The following SH3BP5 variants were observed in gnomAD, a reference collection of about 807,000 sequenced individuals.
SH3BP5 encodes the protein SH3 domain-binding protein 5.
A neutral mutation model predicts 43.3 loss-of-function variants in SH3BP5; 22 were observed. The ratio of observed to expected loss-of-function variants is 0.51; its 90% CI spans 0.36 to 0.73. The LOEUF is 0.73. SH3BP5 is among the 30% of genes least tolerant of loss of function. SH3BP5 has a pLI of 0.00. For synonymous variants in SH3BP5, 255 were observed against 225.8 expected, an observed-to-expected ratio of 1.13 and a Z score of -1.16; for missense variants, 529 against 586.9, an observed-to-expected ratio of 0.90 and a Z score of 1.02.
At chr3:15,275,454 C>T (rs1234642650) in intron 3 of SH3BP5, among the ~76,000 whole-genome samples, 1 of 152,186 alleles carries the variant, frequency 6.6e-6, no homozygotes, top group East Asian at 1.9e-4. Context: ...GTAATAAAGG[C>T]CCCAGGCCCT....
upstream of SH3BP5, among the ~76,000 whole-genome samples, chr3:15,333,702 G>A (rs559198971): frequency 6.6e-6 from 1 of 152,278 alleles, no homozygotes; most frequent in South Asian, 2.1e-4. Flanking sequence ...GTTACTCCTT[G>A]GGCAAGGCAC....
At chr3:15,290,175 T>A (rs1027962290) in intron 3 of SH3BP5, among the ~76,000 whole-genome samples, 19 of 151,656 alleles carry the variant, frequency 1.3e-4, no homozygotes, top group African/African-American at 4.6e-4. Context: ...GTCAAGGCAG[T>A]TGAGGTCAGG....
chr3:15,321,115 C>T lies in SH3BP5; in HGVS notation c.201+9389G>A, dbSNP rs139690209. Reference sequence around the variant, plus strand: ...TAATAGCATTTTGCTAATGTGGTTACCATGAATGAAGTTGTGCAAGAACCT... The same window carrying T: ...TAATAGCATTTTGCTAATGTGGTTATCATGAATGAAGTTGTGCAAGAACCT... On this transcript the variant is annotated intron_variant, in intron 2 of 8. Transcript: ENST00000383791. 6.5e-3 allele frequency among the ~76,000 whole-genome samples: 997 copies of T among 152,234 alleles called. 7 individuals carry two copies. Among genetic ancestry groups the T allele is most frequent in the Middle Eastern group, 0.02 (6 of 294 alleles).
At position 15,316,948 on chromosome 3, in the gene SH3BP5, A is replaced by G. The variant is rs572870133; in HGVS notation, c.202-12717T>C. Among the ~76,000 whole-genome samples the G allele has an allele frequency of 1.1e-3, 160 of 152,342 alleles. 1 individual carries two copies. Among genetic ancestry groups the G allele is most frequent in the African/African-American group, 3.6e-3 (151 of 41,576 alleles). ...TGCTTTTTCATTTATGGCCAAACAC[A>G]TGTTCTTAAATCCACAGGATTCTTT... On this transcript the variant is annotated intron_variant, in intron 2 of 8. Transcript: ENST00000383791.
chr3:15,269,738 T>C lies in SH3BP5; in HGVS notation c.470A>G (p.Glu157Gly). Reference sequence around the variant, plus strand: ...CCTCTGAGTGGCGTGATTCAGCATCTCCTGCCAGGCGGAGTCGAACTGCCG... The same window carrying C: ...CCTCTGAGTGGCGTGATTCAGCATCCCCTGCCAGGCGGAGTCGAACTGCCG... Reference protein sequence around the residue: ...DKRQFDSAWQEMLNHATQRVM... With the variant: ...DKRQFDSAWQGMLNHATQRVM... Residue 157 changes from glutamate to glycine, a missense_variant, in exon 4 of 9, where the codon GAG (glutamate) becomes GGG (glycine). Glu to Gly is a moderately conservative substitution (Grantham distance 98). Coordinates refer to ENST00000383791, the MANE Select transcript of SH3BP5 (RefSeq NM_004844.5). The C allele has an allele frequency of 1.2e-6, 2 of 1,607,548 alleles. No individual in the cohort carries two copies. Among genetic ancestry groups the C allele is most frequent in the Non-Finnish European group, 1.7e-6 (2 of 1,176,170 alleles).
intron 3 of SH3BP5, among the ~76,000 whole-genome samples, chr3:15,273,956 C>T (rs1399489077): frequency 2.0e-5 from 3 of 152,122 alleles, no homozygotes; most frequent in Admixed American, 1.3e-4. Context: ...AAAGAAATAC[C>T]TATGGGCCGG....
intron 1 of SH3BP5, chr3:15,331,919 G>A (rs1698620015): frequency 4.8e-6 from 1 of 208,588 alleles, no homozygotes; most frequent in Non-Finnish European, 9.7e-6. Context: ...CCATGCCCGC[G>A]GTGCCGCGGC....
At chr3:15,256,382 A>T in intron 8 of SH3BP5, 79 bp from the exon 9 acceptor site, 1 of 1,442,054 alleles carries the variant, frequency 6.9e-7, no homozygotes, top group South Asian at 1.3e-5. Context: ...AGATTATCAA[A>T]AGTGAGTATT....
chr3:15,299,605 T>A (rs1697676868), intron 3 of SH3BP5, among the ~76,000 whole-genome samples: 1 of 148,808 alleles, frequency 6.7e-6, no homozygotes, highest in South Asian at 2.2e-4. Context: ...GCAATCCTCC[T>A]GCTTCAGCCT....
In SH3BP5 at chr3:15,274,422, G is replaced by T. The variant is rs1371494223; in HGVS notation, c.331-4545C>A. Among the ~76,000 whole-genome samples, 3 of 152,246 alleles carry T rather than the reference G, an allele frequency of 2.0e-5. No homozygotes were observed. The South Asian group carries it at 6.2e-4, about 32-fold the overall frequency. ...ACAATCATGGCAGAAGGCAAAGGGG[G>T]AACAGGGCATCTCACAAAGTGCCTG... On this transcript the variant is annotated intron_variant, in intron 3 of 8. Coordinates refer to ENST00000383791, the MANE Select transcript of SH3BP5 (RefSeq NM_004844.5).
chr3:15,260,005 C>T (rs1034264642), intron 5 of SH3BP5: 1 of 605,350 alleles, frequency 1.7e-6, no homozygotes, highest in African/African-American at 1.9e-5. Context: ...ACTGGGCTCA[C>T]CCAGGGCTAT....
upstream of SH3BP5, among the ~76,000 whole-genome samples, chr3:15,337,122 C>G (rs1171712730): frequency 7.3e-6 from 1 of 137,566 alleles, no homozygotes; most frequent in African/African-American, 2.8e-5. Context: ...CAGAGTCGCG[C>G]TATGTCACCC....
intron 3 of SH3BP5, among the ~76,000 whole-genome samples, chr3:15,295,028 T>C (rs1042825873): frequency 1.3e-5 from 2 of 152,200 alleles, no homozygotes; most frequent in Non-Finnish European, 2.9e-5. Context: ...GTGTGCACAG[T>C]GTGTCCTTCC....
rs145565693 is a variant in SH3BP5, at chr3:15,279,190, A to C, written c.331-9313T>G. Among the ~76,000 whole-genome samples, 20 of 152,186 alleles carry C rather than the reference A, an allele frequency of 1.3e-4. 1 individual carries two copies. Among genetic ancestry groups the C allele is most frequent in the South Asian group, 4.2e-4 (2 of 4,808 alleles). ...TGTCTCGGGAAAAGAAACAAACAAAAAAAAAGATCTAAAAATTTGTCAAAC... is the reference window on the plus strand; with the variant it reads ...TGTCTCGGGAAAAGAAACAAACAAACAAAAAGATCTAAAAATTTGTCAAAC... On this transcript the variant is annotated intron_variant, in intron 3 of 8. Transcript: ENST00000383791.
intron 2 of SH3BP5, among the ~76,000 whole-genome samples, chr3:15,317,673 A>G (rs1698218219): frequency 6.6e-6 from 1 of 152,184 alleles, no homozygotes; most frequent in Non-Finnish European, 1.5e-5. Flanking sequence ...GAGCTTTTGT[A>G]TTTCTCCAGC....
intron 4 of SH3BP5, among the ~76,000 whole-genome samples, chr3:15,266,553 C>G (rs1474860201): frequency 2.6e-5 from 4 of 152,234 alleles, no homozygotes; most frequent in Non-Finnish European, 4.4e-5. Context: ...CCCATAAAGG[C>G]TACTTCAGTG....
intron 2 of SH3BP5, among the ~76,000 whole-genome samples, chr3:15,313,319 T>G (rs1698105950): frequency 6.6e-6 from 1 of 152,128 alleles, no homozygotes; most frequent in Admixed American, 6.5e-5. Context: ...AAATAGCACA[T>G]GCAGTCCTAG....
intron 3 of SH3BP5, among the ~76,000 whole-genome samples, chr3:15,299,553 G>C (rs1290386169): frequency 7.6e-6 from 1 of 131,458 alleles, no homozygotes; most frequent in African/African-American, 2.8e-5. Context: ...GAATACAAGA[G>C]AGACATCATG....
At chr3:15,256,361 T>C (rs1279924890) in intron 8 of SH3BP5, 58 bp from the exon 9 acceptor site, 20 of 1,525,336 alleles carry the variant, frequency 1.3e-5, no homozygotes, top group Non-Finnish European at 1.7e-5. Context: ...CTGTCTCCTA[T>C]AGAAATACAA....
Sources: gnomAD v4.1 joint callset for allele counts (sites outside exome capture counted in the v4.1 genomes callset) on GRCh38, gnomAD v4.1.1 for gene constraint, MANE v1.5 for transcripts, NCBI Gene and HGNC (gene_info 2026-07-23, HGNC 2026-07-21) for gene names.